SSBP2: variants seen among roughly 807,000 people sequenced by gnomAD.
The protein encoded by SSBP2 is single stranded DNA binding protein 2, also known as single-stranded DNA-binding protein 2.
SSBP2 carries 17 observed loss-of-function variants against 61.8 expected under a neutral mutation model. That is an observed-to-expected ratio of 0.28 (90% CI 0.19 to 0.41). The LOEUF is 0.41. Ranked by LOEUF, SSBP2 falls within the 10% of genes least tolerant of loss-of-function variation. SSBP2 has a pLI of 1.00. For missense variants in SSBP2, 310 were observed against 458.7 expected (o/e 0.68, Z 2.96); for synonymous variants, 139 against 141.3 (o/e 0.98, Z 0.12).
intron 4 of SSBP2, among the ~76,000 whole-genome samples, chr5:81,580,955 T>G (rs948412417): frequency 6.6e-6 from 1 of 152,164 alleles, no homozygotes; most frequent in South Asian, 2.1e-4. Flanking sequence ...AAATCTCAGA[T>G]CTACAATAAA....
intron 3 of SSBP2, among the ~76,000 whole-genome samples, chr5:81,633,569 CTA>C (rs1447611833): frequency 6.6e-6 from 1 of 152,088 alleles, no homozygotes; most frequent in Non-Finnish European, 1.5e-5. Context: ...TGAGGTATCG[CTA>C]TGTTTCTCAG....
At position 81,720,822 on chromosome 5, in the gene SSBP2, T is replaced by C. The variant is rs183798207; in HGVS notation, c.62+30159A>G. Among the ~76,000 whole-genome samples the C allele has an allele frequency of 1.6e-4, 25 of 152,326 alleles. No individual in the cohort carries two copies. The East Asian group carries it at 4.6e-3, about 28-fold the overall frequency. Reference sequence around the variant, plus strand: ...TGAATCTCTGTATTGATTTTCTAACTGGTAAGATTCATTTTACTGTTGAAC... The same window carrying C: ...TGAATCTCTGTATTGATTTTCTAACCGGTAAGATTCATTTTACTGTTGAAC... On this transcript the variant is annotated intron_variant, in intron 1 of 16. Transcript: ENST00000320672.
At chr5:81,490,319 A>G (rs1287405514) in intron 5 of SSBP2, among the ~76,000 whole-genome samples, 2 of 152,040 alleles carry the variant, frequency 1.3e-5, no homozygotes, top group Admixed American at 1.3e-4. Context: ...CCAAAATTTT[A>G]TAAGTTTATT....
chr5:81,420,509 C>G lies in SSBP2; in HGVS notation c.1081G>C (p.Val361Leu). Residue 361 changes from valine to leucine, a missense_variant, in exon 17 of 17, where the codon GTG (valine) becomes CTG (leucine). This residue lies in a region of SSBP2 where 44 missense variants were observed against 86.2 expected (regional missense o/e 0.51). Transcript: ENST00000320672. ...TGAGGAGACTTGGTAATGGATCACA[C>G]GCTCATTGTCATGCTAGGGGAGTAC... The G allele has an allele frequency of 6.2e-7, 1 of 1,613,754 alleles. No individual in the cohort carries two copies. The highest frequency in any genetic ancestry group is 8.5e-7 in the Non-Finnish European group (1 of 1,179,706).
chr5:81,630,938 C>G (rs1747645880), intron 3 of SSBP2, among the ~76,000 whole-genome samples: 1 of 152,130 alleles, frequency 6.6e-6, no homozygotes, highest in Non-Finnish European at 1.5e-5. Context: ...TGTTAACCCA[C>G]TGATCCAAGT....
chr5:81,546,450 C>T (rs1455562321), intron 4 of SSBP2, among the ~76,000 whole-genome samples: 1 of 151,304 alleles, frequency 6.6e-6, no homozygotes, highest in Non-Finnish European at 1.5e-5. Context: ...TATGCTAGGG[C>T]ACTAACTAGA....
At chr5:81,574,485 G>A (rs1004253018) in intron 4 of SSBP2, among the ~76,000 whole-genome samples, 2 of 151,714 alleles carry the variant, frequency 1.3e-5, no homozygotes, top group Non-Finnish European at 2.9e-5. Context: ...AAAAGGAGTT[G>A]AAAAAAATAG....
Position 81,415,922 on chromosome 5 carries a change from A to AAAAAAAAAAAAAAAAACAAAAG in SSBP2, c.*4581_*4582insCTTTTGTTTTTTTTTTTTTTTT, listed in dbSNP as rs766994399. The AAAAAAAAAAAAAAAAACAAAAG allele has an allele frequency of 1.4e-5, 1 of 73,744 alleles. No individual in the cohort carries two copies. The highest frequency in any genetic ancestry group is 2.3e-5 in the Non-Finnish European group (1 of 43,590). 4.6% of individuals were successfully genotyped at this position (73,744 alleles called of 1,614,324 possible). A position where few individuals can be genotyped will look rare whatever the true frequency, so the allele number is the denominator to read the frequency against. On this transcript the variant is annotated 3_prime_UTR_variant, in exon 17 of 17. Coordinates refer to ENST00000320672, the MANE Select transcript of SSBP2 (RefSeq NM_012446.5). ...GCAAGATTCTGACTCAAAAAAAAAAAAAAAAAAGAGGAAAACCTGATCAAG... is the reference window on the plus strand; with the variant it reads ...GCAAGATTCTGACTCAAAAAAAAAAAAAAAAAAAAAAAAAAACAAAAGAAAAAAAGAGGAAAACCTGATCAAG...
chr5:81,441,564 A>AGTG (rs1275919209), intron 13 of SSBP2, among the ~76,000 whole-genome samples: 1 of 152,088 alleles, frequency 6.6e-6, no homozygotes, highest in East Asian at 1.9e-4. Context: ...GTGTGGATGC[A>AGTG]GTGGTGGTGG....
chr5:81,694,110 T>A (rs768890500), intron 1 of SSBP2, among the ~76,000 whole-genome samples: 4 of 152,152 alleles, frequency 2.6e-5, no homozygotes, highest in Non-Finnish European at 5.9e-5. Context: ...CAGGTATTTG[T>A]GGGAGCTAAA....
At chr5:81,686,388 T>C (rs1217958371) in intron 1 of SSBP2, among the ~76,000 whole-genome samples, 1 of 152,212 alleles carries the variant, frequency 6.6e-6, no homozygotes, top group Non-Finnish European at 1.5e-5. Context: ...CTTTTCACTT[T>C]ATAAACAAAT....
intron 16 of SSBP2, among the ~76,000 whole-genome samples, chr5:81,421,272 A>C (rs1480416777): frequency 1.6e-4 from 25 of 152,064 alleles, no homozygotes; most frequent in Non-Finnish European, 3.5e-4. Context: ...GCTCACTGCA[A>C]CCCTGACCTT....
At chr5:81,601,032 T>C (rs75143360) in intron 4 of SSBP2, among the ~76,000 whole-genome samples, 1,998 of 152,278 alleles carry the variant, frequency 0.013, 44 homozygotes, top group African/African-American at 0.046. Context: ...ATGAAGTACT[T>C]ATATCAGTGC....
rs540949851 is a variant in SSBP2, at chr5:81,482,322, T to C, written c.432+6928A>G. Among the ~76,000 whole-genome samples the C allele has an allele frequency of 1.4e-4, 22 of 152,222 alleles. No homozygotes were observed. The South Asian group carries it at 3.3e-3, about 23-fold the overall frequency. On this transcript the variant is annotated intron_variant, in intron 6 of 16. Transcript: ENST00000320672. ...GGCTTCAACTTAAGGTCACCAGTTG[T>C]ATTACCCCCTAATAAGAGAATCAGC...
intron 15 of SSBP2, among the ~76,000 whole-genome samples, chr5:81,435,287 A>G (rs35995231): frequency 0.3 from 46,007 of 152,090 alleles, 7,512 homozygotes; most frequent in African/African-American, 0.39. Flanking sequence ...TTATCTTTGG[A>G]TTTTTAGAGC....
At chr5:81,591,837 A>C (rs530596535) in intron 4 of SSBP2, among the ~76,000 whole-genome samples, 1 of 151,960 alleles carries the variant, frequency 6.6e-6, no homozygotes, top group South Asian at 2.1e-4. Flanking sequence ...ACAACAACAA[A>C]AGAAAGGACA....
chr5:81,442,899 T>C lies in SSBP2; in HGVS notation c.779-176A>G, dbSNP rs184543956. 4.5e-3 allele frequency: 1,814 copies of C among 406,986 alleles called. 5 individuals are homozygous for C. Among genetic ancestry groups the C allele is most frequent in the Non-Finnish European group, 5.2e-3 (1,178 of 227,504 alleles). 25.2% of individuals were successfully genotyped at this position (406,986 alleles called of 1,614,324 possible). The stretch of plus-strand genomic sequence containing the variant: ...CAGTCATTTTCTGACCCCAAAATTG[T>C]CATTCTGAGGTCATAAATTAGGTAT... On this transcript the variant is annotated intron_variant, in intron 12 of 16. Transcript: ENST00000320672.
intron 10 of SSBP2, among the ~76,000 whole-genome samples, chr5:81,453,699 G>A (rs1411530148): frequency 1.3e-5 from 2 of 151,948 alleles, no homozygotes; most frequent in African/African-American, 4.8e-5. Context: ...CTCGTGATCC[G>A]CCTGCCTCGG....
Position 81,437,423 on chromosome 5 carries a change from C to T in SSBP2, c.957+7G>A. The stretch of plus-strand genomic sequence containing the variant: ...ATTAAAAACAACACAGAATACACAG[C>T]ACTCACCTTGGAAATACTGTCCATA... On this transcript the variant is annotated splice_region_variant and intron_variant, in intron 15 of 16. Transcript: ENST00000320672. 6.2e-7 allele frequency: 1 copy of T among 1,606,260 alleles called. No individual in the cohort carries two copies.
Sources: allele counts gnomAD v4.1 joint callset (sites outside exome capture counted in the v4.1 genomes callset), GRCh38; gene constraint gnomAD v4.1.1; regional missense constraint gnomAD v4.1.1; transcripts MANE v1.5; gene names NCBI Gene and HGNC (gene_info 2026-07-23, HGNC 2026-07-21).